Variants in SRGAP3 observed in about 807,000 individuals in gnomAD.
The protein encoded by SRGAP3 is SLIT-ROBO Rho GTPase-activating protein 3.
Under a neutral mutation model 121.1 loss-of-function variants are expected in SRGAP3, and 39 were observed. The observed-to-expected ratio is 0.32, with a 90% CI of 0.25 to 0.42. SRGAP3 has a LOEUF of 0.42. SRGAP3 is among the 10% of genes least tolerant of loss of function. The probability of loss-of-function intolerance (pLI) is 1.00; values close to 1 mark genes in which losing one functional copy is unlikely to be tolerated. For missense variants in SRGAP3, 1,213 were observed against 1,470.6 expected, an observed-to-expected ratio of 0.82 and a Z score of 2.86; for synonymous variants, 601 against 570.0, an observed-to-expected ratio of 1.05 and a Z score of -0.77.
intron 10 of SRGAP3, among the ~76,000 whole-genome samples, chr3:9,045,729 C>T (rs989178085): frequency 2.0e-5 from 3 of 152,188 alleles, no homozygotes; most frequent in Admixed American, 2.0e-4. Context: ...GCCACTGCAC[C>T]AGGCCCAGGA....
rs551420936 is a variant in SRGAP3 at position 9,178,093 on chromosome 3, C to T, written c.68-53176G>A. ...GATCAGCCTAGGAAACATGGTGAAACCCTGTCTCTACTAAAAATGCAAAAA... is the reference window on the plus strand; with the variant it reads ...GATCAGCCTAGGAAACATGGTGAAATCCTGTCTCTACTAAAAATGCAAAAA... On this transcript the variant is annotated intron_variant, in intron 1 of 21. Transcript: ENST00000383836. Among the ~76,000 whole-genome samples the T allele has an allele frequency of 2.6e-4, 40 of 152,142 alleles. 1 individual carries two copies. In the South Asian group the frequency reaches 8.1e-3, roughly 31 times the overall value.
At chr3:9,048,045 G>A (rs1460598245) in intron 9 of SRGAP3, among the ~76,000 whole-genome samples, 1 of 152,218 alleles carries the variant, frequency 6.6e-6, no homozygotes, top group Non-Finnish European at 1.5e-5. Flanking sequence ...TCTTTGTACA[G>A]ATGAGAAAAA....
At chr3:9,341,751 G>A (rs1381186411) in intron 1 of SRGAP3, among the ~76,000 whole-genome samples, 3 of 152,082 alleles carry the variant, frequency 2.0e-5, no homozygotes, top group South Asian at 2.1e-4. Flanking sequence ...CACCCACCTC[G>A]GCCTCCCAAA....
At chr3:8,990,457 C>A in intron 21 of SRGAP3, 55 bp downstream of exon 21, 1 of 1,546,978 alleles carries the variant, frequency 6.5e-7, no homozygotes, top group Non-Finnish European at 8.7e-7. Context: ...CGGATTCCCA[C>A]CCGCTGCCCT....
At chr3:9,165,616 C>T (rs1233408556) in intron 1 of SRGAP3, among the ~76,000 whole-genome samples, 1 of 152,150 alleles carries the variant, frequency 6.6e-6, no homozygotes, top group Non-Finnish European at 1.5e-5. Context: ...AGGATAAATG[C>T]CAAAATCCTC....
At chr3:9,316,973 G>A (rs1574999001) in intron 3 of SRGAP3, among the ~76,000 whole-genome samples, 1 of 152,244 alleles carries the variant, frequency 6.6e-6, no homozygotes, top group South Asian at 2.1e-4. Flanking sequence ...CAGAGAGGCA[G>A]AGAATTCAAT....
At chr3:9,136,428 G>A (rs1364428160) in intron 1 of SRGAP3, among the ~76,000 whole-genome samples, 1 of 32,622 alleles carries the variant, frequency 3.1e-5, no homozygotes, top group Non-Finnish European at 6.7e-5. Context: ...GCCCCGCCCC[G>A]CGCGCCACGT....
intron 1 of SRGAP3, among the ~76,000 whole-genome samples, chr3:9,146,628 C>T (rs1422681192): frequency 6.6e-6 from 1 of 152,234 alleles, no homozygotes; most frequent in East Asian, 1.9e-4. Flanking sequence ...GAAAGCTTGG[C>T]AGAGTTAAGG....
At chr3:9,172,753 A>G (rs902013312) in intron 1 of SRGAP3, among the ~76,000 whole-genome samples, 1 of 152,212 alleles carries the variant, frequency 6.6e-6, no homozygotes, top group African/African-American at 2.4e-5. Context: ...TCAAAACGAC[A>G]AAGTGCACAG....
intron 1 of SRGAP3, among the ~76,000 whole-genome samples, chr3:9,345,785 C>CAAAAAAAAAAAAAA (rs34225108): frequency 4.3e-4 from 28 of 65,106 alleles, no homozygotes; most frequent in East Asian, 8.1e-4. Flanking sequence ...GACTCCAACT[C>CAAAAAAAAAAAAAA]AAAAAAAAAA....
chr3:9,119,178 TC>T (rs1439908712), intron 2 of SRGAP3, among the ~76,000 whole-genome samples: 2 of 152,102 alleles, frequency 1.3e-5, no homozygotes, highest in Non-Finnish European at 2.9e-5. Context: ...CCCAAGTCCT[TC>T]CCATCTCAAG....
At chr3:9,264,886 T>C (rs928421038) in intron 3 of SRGAP3, among the ~76,000 whole-genome samples, 3 of 151,778 alleles carry the variant, frequency 2.0e-5, no homozygotes, top group South Asian at 4.2e-4. Context: ...AAATTTCATA[T>C]GAAACCAAAA....
At chr3:9,208,367 C>A (rs192410350) in intron 1 of SRGAP3, among the ~76,000 whole-genome samples, 1 of 152,192 alleles carries the variant, frequency 6.6e-6, no homozygotes, top group Admixed American at 6.5e-5. Flanking sequence ...TCTTCTCCCA[C>A]TGCCCCAGTT....
chr3:8,989,623 C>T (rs1479837882), intron 21 of SRGAP3, among the ~76,000 whole-genome samples: 2 of 152,178 alleles, frequency 1.3e-5, no homozygotes, highest in East Asian at 1.9e-4. Flanking sequence ...TAATGGGCCC[C>T]CACACCAAAT....
At chr3:9,042,624 G>A (rs1455745010) in intron 10 of SRGAP3, among the ~76,000 whole-genome samples, 7 of 152,176 alleles carry the variant, frequency 4.6e-5, no homozygotes, top group Non-Finnish European at 1.5e-5. Flanking sequence ...AGCAGGAAAG[G>A]AGAAAAGTTC....
rs536742397 is a variant in SRGAP3 at position 9,064,714 on chromosome 3, C to T, written c.487-133G>A. 83 of 953,688 alleles carry T rather than the reference C, an allele frequency of 8.7e-5. 1 individual carries two copies. In the African/African-American group the frequency reaches 1.2e-3, roughly 14 times the overall value. The allele number at this position is 953,688 out of a possible 1,614,324, so 59.1% of individuals were successfully genotyped here. ...CTGGTCCCAAAACACACTCTGGGCACCTGCCTTCCTTTACTTTTGCACAGA... is the reference window on the plus strand; with the variant it reads ...CTGGTCCCAAAACACACTCTGGGCATCTGCCTTCCTTTACTTTTGCACAGA... On this transcript the variant is annotated intron_variant, in intron 4 of 21. Coordinates refer to ENST00000383836, the MANE Select transcript of SRGAP3 (RefSeq NM_014850.4).
At chr3:9,348,910 C>A in intron 1 of SRGAP3, 2 of 1,016,928 alleles carry the variant, frequency 2.0e-6, no homozygotes, top group Non-Finnish European at 3.1e-6. Context: ...GTCTGAAGGA[C>A]ACTATTGCCA....
intron 9 of SRGAP3, 42 bp from the exon 10 acceptor site, chr3:9,047,517 C>T (rs372195653): frequency 1.1e-5 from 17 of 1,584,662 alleles, no homozygotes; most frequent in South Asian, 5.6e-5. Context: ...ATTGCAAGGC[C>T]GAGTAATGGG....
rs1454275468 is a variant in SRGAP3, at chr3:9,239,329, A to G, written c.67+9556T>C. ...CAACAGGCATAGGTTGCAGTGAGCCAAGGTTGCACCACTGCATTCCAGTCT... is the reference window on the plus strand; with the variant it reads ...CAACAGGCATAGGTTGCAGTGAGCCGAGGTTGCACCACTGCATTCCAGTCT... On this transcript the variant is annotated intron_variant, in intron 1 of 21. Coordinates refer to ENST00000383836, the MANE Select transcript of SRGAP3 (RefSeq NM_014850.4). The surrounding 1 kb of genome is among the most constrained non-coding windows in gnomAD (Gnocchi z 4.0). Among the ~76,000 whole-genome samples the G allele has an allele frequency of 6.6e-6, 1 of 152,212 alleles. No individual in the cohort carries two copies. The highest frequency in any genetic ancestry group is 1.5e-5 in the Non-Finnish European group (1 of 68,046).
Sources: gnomAD v4.1 joint callset for allele counts (sites outside exome capture counted in the v4.1 genomes callset) on GRCh38, gnomAD v4.1.1 for gene constraint, Gnocchi (gnomAD v3.1) non-coding constraint, MANE v1.5 for transcripts, NCBI Gene and HGNC (gene_info 2026-07-23, HGNC 2026-07-21) for gene names.